Variants in NRG3 observed in about 807,000 individuals in gnomAD.
NRG3 encodes neuregulin 3.
In NRG3, 31 loss-of-function variants were observed where a neutral mutation model predicts 66.9. The observed-to-expected ratio is 0.46, with a 90% CI of 0.35 to 0.63. NRG3 has a LOEUF of 0.63. Ranked by LOEUF, NRG3 falls within the 20% of genes least tolerant of loss-of-function variation. The probability of loss-of-function intolerance (pLI) is 0.00; values close to 1 mark genes in which losing one functional copy is unlikely to be tolerated. For missense variants in NRG3, 910 were observed against 878.9 expected (o/e 1.04, Z -0.45); for synonymous variants, 393 against 359.4 (o/e 1.09, Z -1.06).
rs1195534089 is a variant in NRG3, at chr10:82,408,133, AAG to A, written c.953+49267_953+49268del. 2.7e-3 allele frequency among the ~76,000 whole-genome samples: 406 copies of A among 149,024 alleles called. 2 individuals are homozygous for A. The highest frequency in any genetic ancestry group is 5.0e-3 in the Admixed American group (74 of 14,916). On this transcript the variant is annotated intron_variant, in intron 2 of 8. Transcript: ENST00000372141. ...AAAGAAAGAAAGAAAGAAAGAAAGA[AAG>A]AAAGAAAGAAAAGAAAAAGAAAAGT... is the stretch of plus-strand genomic sequence containing the variant.
intron 2 of NRG3, among the ~76,000 whole-genome samples, chr10:82,430,459 A>G (rs990845074): frequency 3.3e-5 from 5 of 152,028 alleles, no homozygotes; most frequent in African/African-American, 9.7e-5. Flanking sequence ...GGGTTTCACC[A>G]TGTTAGCCAG....
chr10:82,878,914 A>C lies in NRG3; in HGVS notation c.1054+13477A>C, dbSNP rs547755551. On this transcript the variant is annotated intron_variant, in intron 4 of 8. Transcript: ENST00000372141. ...CCCTGACCACTCCTACCACGTTATT[A>C]TTCTCATTTCTCTACCTACCCCAGG... Among the ~76,000 whole-genome samples, 629 of 152,160 alleles carry C rather than the reference A, an allele frequency of 4.1e-3. 1 individual carries two copies. Among genetic ancestry groups the C allele is most frequent in the Non-Finnish European group, 6.8e-3 (464 of 67,968 alleles).
At chr10:82,070,295 C>T (rs937436220) in intron 1 of NRG3, among the ~76,000 whole-genome samples, 1 of 151,786 alleles carries the variant, frequency 6.6e-6, no homozygotes, top group Non-Finnish European at 1.5e-5. Flanking sequence ...CAATTGAGTT[C>T]ATGCAAAAAA....
At chr10:81,957,758 GA>G (rs2133247223) in intron 1 of NRG3, among the ~76,000 whole-genome samples, 1 of 152,294 alleles carries the variant, frequency 6.6e-6, no homozygotes, top group East Asian at 1.9e-4. Context: ...CTTGATAAAT[GA>G]TTCAACTTCT....
chr10:82,907,742 T>A (rs1455874841), intron 4 of NRG3, among the ~76,000 whole-genome samples: 5 of 152,204 alleles, frequency 3.3e-5, no homozygotes, highest in African/African-American at 1.2e-4. Flanking sequence ...TCCACAGGTA[T>A]TTTTTAAGCA....
chr10:82,129,852 C>T (rs148029799), intron 1 of NRG3, among the ~76,000 whole-genome samples: 4 of 152,210 alleles, frequency 2.6e-5, no homozygotes, highest in African/African-American at 7.2e-5. Context: ...TGAGAACCCA[C>T]GCCTGTCCTA....
At chr10:82,913,841 A>G (rs2131995032) in intron 4 of NRG3, among the ~76,000 whole-genome samples, 1 of 152,242 alleles carries the variant, frequency 6.6e-6, no homozygotes, top group East Asian at 1.9e-4. Context: ...TGCCTTCATC[A>G]TTAATTTTGG....
intron 1 of NRG3, among the ~76,000 whole-genome samples, chr10:82,299,272 A>G (rs933066178): frequency 1.3e-5 from 2 of 152,228 alleles, no homozygotes; most frequent in Non-Finnish European, 1.5e-5. Flanking sequence ...TGTTCTAAGC[A>G]CTTAACACAT....
chr10:81,904,256 C>T (rs753849485), intron 1 of NRG3, among the ~76,000 whole-genome samples: 1 of 151,836 alleles, frequency 6.6e-6, no homozygotes, highest in African/African-American at 2.4e-5. Flanking sequence ...GTCATCTGCC[C>T]GCCTCAGCCT....
At chr10:82,420,595 G>A (rs928745043) in intron 2 of NRG3, among the ~76,000 whole-genome samples, 1 of 152,110 alleles carries the variant, frequency 6.6e-6, no homozygotes. Context: ...TGGCAAAGCT[G>A]CTCTGGAACA....
intron 2 of NRG3, among the ~76,000 whole-genome samples, chr10:82,708,775 G>C (rs983808269): frequency 1.3e-5 from 2 of 152,174 alleles, no homozygotes; most frequent in Admixed American, 1.3e-4. Flanking sequence ...CAAAATGTTT[G>C]TCAATACTAG....
At chr10:82,132,538 T>TATATATATCATATATATATC (rs2068995714) in intron 1 of NRG3, among the ~76,000 whole-genome samples, 2 of 127,328 alleles carry the variant, frequency 1.6e-5, no homozygotes, top group Non-Finnish European at 3.2e-5. Flanking sequence ...ATATATATGA[T>TATATATATCATATATATATC]ATATATATAT....
At chr10:82,612,366 C>G (rs2133514054) in intron 2 of NRG3, among the ~76,000 whole-genome samples, 1 of 151,966 alleles carries the variant, frequency 6.6e-6, no homozygotes, top group South Asian at 2.1e-4. Context: ...TGTTTAAAAA[C>G]AGCATAGTAC....
chr10:82,304,983 C>CTTTTT (rs760661674), intron 1 of NRG3, among the ~76,000 whole-genome samples: 6 of 73,832 alleles, frequency 8.1e-5, no homozygotes, highest in Non-Finnish European at 1.4e-4. Context: ...TCAGATTCCT[C>CTTTTT]TTTTTTTTTT....
chr10:82,675,341 T>A (rs1197313414), intron 2 of NRG3, among the ~76,000 whole-genome samples: 2 of 152,104 alleles, frequency 1.3e-5, no homozygotes, highest in Non-Finnish European at 2.9e-5. Context: ...GGGGGTGAAG[T>A]CATAGGGTTA....
At chr10:82,064,882 A>AG (rs1221178992) in intron 1 of NRG3, among the ~76,000 whole-genome samples, 4 of 151,922 alleles carry the variant, frequency 2.6e-5, no homozygotes, top group Non-Finnish European at 5.9e-5. Flanking sequence ...AACTCCAACC[A>AG]AAGTCCTCAG....
intron 1 of NRG3, among the ~76,000 whole-genome samples, chr10:81,954,958 T>G (rs1655711890): frequency 6.6e-6 from 1 of 151,988 alleles, no homozygotes; most frequent in Non-Finnish European, 1.5e-5. Context: ...GGATTCAGAT[T>G]ACTGAACTGG....
intron 2 of NRG3, among the ~76,000 whole-genome samples, chr10:82,597,152 G>A (rs867723872): frequency 2.6e-5 from 4 of 152,218 alleles, no homozygotes; most frequent in African/African-American, 4.8e-5. Flanking sequence ...TTAAGCAACC[G>A]TAAAGAACCA....
intron 2 of NRG3, among the ~76,000 whole-genome samples, chr10:82,512,467 G>A (rs968366138): frequency 6.6e-6 from 1 of 151,920 alleles, no homozygotes; most frequent in Non-Finnish European, 1.5e-5. Flanking sequence ...TGTATTTTTA[G>A]TAGAGATGGG....
Sources: gnomAD v4.1 joint callset for allele counts (sites outside exome capture counted in the v4.1 genomes callset) on GRCh38, gnomAD v4.1.1 for gene constraint, MANE v1.5 for transcripts, NCBI Gene and HGNC (gene_info 2026-07-23, HGNC 2026-07-21) for gene names.